Variants in LAMB3 observed in about 807,000 individuals in gnomAD.
LAMB3 encodes the protein laminin subunit beta-3.
A neutral mutation model predicts 140.3 loss-of-function variants in LAMB3; 104 were observed. The ratio of observed to expected loss-of-function variants is 0.74; its 90% CI spans 0.63 to 0.87. The LOEUF is 0.87. Among genes scored for constraint, LAMB3 ranks in the 40% least tolerant of loss-of-function variants. LAMB3 has a pLI of 0.00. For synonymous variants in LAMB3, 592 were observed against 602.9 expected, an observed-to-expected ratio of 0.98 and a Z score of 0.26; for missense variants, 1,531 against 1,575.2, an observed-to-expected ratio of 0.97 and a Z score of 0.47.
chr1:209,633,139 G>A lies in LAMB3; in HGVS notation c.565-6C>T, dbSNP rs1405507323. The stretch of plus-strand genomic sequence containing the variant: ...TCCATAAGGTTAAGTTGGACCTACA[G>A]AGGGAAGGGAAAGAGAAGCGCTGAA... On this transcript the variant is annotated splice_polypyrimidine_tract_variant and splice_region_variant and intron_variant, in intron 6 of 22. Transcript: ENST00000356082. 1.2e-6 allele frequency: 2 copies of A among 1,607,272 alleles called. No homozygotes were observed. The highest frequency in any genetic ancestry group is 2.2e-5 in the East Asian group (1 of 44,856).
chr1:209,645,724 A>G (rs1010577681), intron 3 of LAMB3, among the ~76,000 whole-genome samples: 8 of 146,692 alleles, frequency 5.5e-5, no homozygotes, highest in Non-Finnish European at 7.7e-5. Context: ...TCCCAGGGGA[A>G]AAAAAAAAAA....
intron 11 of LAMB3, 113 bp downstream of exon 11, chr1:209,627,922 C>A (rs938308055): frequency 4.7e-5 from 64 of 1,362,812 alleles, no homozygotes; most frequent in Non-Finnish European, 5.8e-5. Context: ...CCCCCTCTGT[C>A]TACCCTGCAG....
intron 5 of LAMB3, among the ~76,000 whole-genome samples, chr1:209,635,388 TTTTGTTTGTTTGTTTG>T (rs111289650): frequency 6.6e-6 from 1 of 151,552 alleles, no homozygotes; most frequent in Non-Finnish European, 1.5e-5. Flanking sequence ...ATCTTCTGTT[TTTTGTTTGTTTGTTTG>T]TTTGTTTGTT....
chr1:209,622,473 C>CATGG, intron 18 of LAMB3, 63 bp downstream of exon 18: 1 of 1,597,444 alleles, frequency 6.3e-7, no homozygotes, highest in Non-Finnish European at 8.6e-7. Flanking sequence ...ATGCACTGAA[C>CATGG]ATGGGAATGC....
chr1:209,625,593 A>T, intron 14 of LAMB3, 55 bp downstream of exon 14: 1 of 1,605,312 alleles, frequency 6.2e-7, no homozygotes, highest in East Asian at 2.2e-5. Context: ...CATGCCCGGT[A>T]CTGGAACCCC....
intron 3 of LAMB3, among the ~76,000 whole-genome samples, chr1:209,647,489 G>A (rs1488444352): frequency 6.6e-6 from 1 of 152,164 alleles, no homozygotes; most frequent in Non-Finnish European, 1.5e-5. Flanking sequence ...CACATCAGTA[G>A]GATGTGGCAC....
rs901761821 is a variant in LAMB3, at chr1:209,648,815, G to C, written c.183+1149C>G. On this transcript the variant is annotated intron_variant, in intron 3 of 22. Coordinates refer to ENST00000356082, the MANE Select transcript of LAMB3 (RefSeq NM_000228.3). Reference sequence around the variant, plus strand: ...ATGGGCTCATAATTTGGAGGTTATGGGTGGAGGGAACAGCCAAAATCACTC... The same window carrying C: ...ATGGGCTCATAATTTGGAGGTTATGCGTGGAGGGAACAGCCAAAATCACTC... Among the ~76,000 whole-genome samples the C allele has an allele frequency of 2.6e-5, 4 of 152,100 alleles. No individual in the cohort carries two copies. In the South Asian group the frequency reaches 8.3e-4, roughly 32 times the overall value.
chr1:209,616,347 C>A, intron 22 of LAMB3, 124 bp downstream of exon 22: 3 of 1,119,832 alleles, frequency 2.7e-6, no homozygotes, highest in Non-Finnish European at 4.1e-6. Context: ...CAGAAAAAAT[C>A]TCATTTGATC....
rs2102401644 is a variant in LAMB3 at position 209,615,337 on chromosome 1, C to T, written c.3453G>A (p.Glu1151=). Residue 1151 remains glutamate, a synonymous_variant, in exon 23 of 23, where the codon GAG becomes GAA. Transcript: ENST00000356082. ...MLRSADLTGL[E]KRVEQIRDHI... ...GGTCACGGATCTGCTCCACACGCTT[C>T]TCCAGTCCTGTCAGGTCCGCTGAGC... The T allele has an allele frequency of 6.2e-7, 1 of 1,614,018 alleles. No homozygotes were observed. The highest frequency in any genetic ancestry group is 1.7e-5 in the Admixed American group (1 of 60,012).
rs868446895 is a variant in LAMB3, at chr1:209,629,911, C to T, written c.958G>A (p.Gly320Arg). ...TCAAAGTGACATGTCTCTGAGTGCC[C>T]ATTGCAGTCGCACCCTGGAAAAAGA... is the stretch of plus-strand genomic sequence containing the variant. ...AHECQRCDCNGHSETCHFDPA... is the reference protein window; with the variant it reads ...AHECQRCDCNRHSETCHFDPA... The change falls in exon 10 of 23, where the codon GGG becomes AGG. Residue 320 changes from glycine (G) to arginine (R), a missense_variant. Coordinates refer to ENST00000356082, the MANE Select transcript of LAMB3 (RefSeq NM_000228.3). 1 of 1,614,146 alleles carries T rather than the reference C, an allele frequency of 6.2e-7. No individual in the cohort carries two copies. The highest frequency in any genetic ancestry group is 8.5e-7 in the Non-Finnish European group (1 of 1,180,006).
In LAMB3 at chr1:209,618,455, G is replaced by C. The variant is rs1446621226; in HGVS notation, c.2906C>G (p.Ala969Gly). Residue 969 changes from alanine to glycine, a missense_variant, in exon 19 of 23, where the codon GCC becomes GGC. By Grantham distance (60) the Ala-to-Gly change is moderately conservative. Transcript: ENST00000356082. ...AGTTCAGGGCCCAAGGCCATACCTG[G>C]CTTCCTCAGCCTCAGCCTGCAACCG... ...ARRLQAEAEE[A>G]RSRAHAVEGQ... The C allele has an allele frequency of 6.2e-7, 1 of 1,613,638 alleles. No homozygotes were observed. The highest frequency in any genetic ancestry group is 1.7e-5 in the Admixed American group (1 of 60,026).
intron 18 of LAMB3, among the ~76,000 whole-genome samples, chr1:209,620,084 C>T (rs1666132294): frequency 6.6e-6 from 1 of 152,218 alleles, no homozygotes; most frequent in Admixed American, 6.5e-5. Flanking sequence ...AGATCTTGCC[C>T]TTCCTTTACT....
At chr1:209,642,756 G>C (rs1019027721) in intron 3 of LAMB3, among the ~76,000 whole-genome samples, 1 of 152,318 alleles carries the variant, frequency 6.6e-6, no homozygotes, top group Non-Finnish European at 1.5e-5. Flanking sequence ...TGAGATTACA[G>C]GTGTGAGCCA....
At chr1:209,643,251 T>G (rs548233633) in intron 3 of LAMB3, among the ~76,000 whole-genome samples, 7 of 152,238 alleles carry the variant, frequency 4.6e-5, no homozygotes, top group Non-Finnish European at 8.8e-5. Flanking sequence ...GTGCACACAT[T>G]TGTAAGCGTC....
intron 3 of LAMB3, among the ~76,000 whole-genome samples, chr1:209,649,740 A>G (rs1167088011): frequency 6.6e-6 from 1 of 152,218 alleles, no homozygotes; most frequent in African/African-American, 2.4e-5. Flanking sequence ...GATAAGAGAG[A>G]AATGAGCTAT....
rs1261972974 is a variant in LAMB3 at position 209,628,031 on chromosome 1, T to C, written c.1288+4A>G. ...CGTCATGCTGGGCCAAGCCCCCTAC[T>C]CACGGTGGCAGCCCTGCGGGTTGGC... On this transcript the variant is annotated splice_donor_region_variant and intron_variant, in intron 11 of 22. Coordinates refer to ENST00000356082, the MANE Select transcript of LAMB3 (RefSeq NM_000228.3). 1.2e-6 allele frequency: 2 copies of C among 1,600,562 alleles called. No homozygotes were observed. The highest frequency in any genetic ancestry group is 1.3e-5 in the African/African-American group (1 of 74,608).
intron 13 of LAMB3, 79 bp from the exon 14 acceptor site, chr1:209,626,105 G>T: frequency 6.8e-7 from 1 of 1,465,174 alleles, no homozygotes; most frequent in South Asian, 1.3e-5. Flanking sequence ...CTGAAGAGGA[G>T]GTCTGACCTG....
chr1:209,648,411 G>A (rs2076535610), intron 3 of LAMB3, among the ~76,000 whole-genome samples: 1 of 152,106 alleles, frequency 6.6e-6, no homozygotes, highest in Admixed American at 6.6e-5. Flanking sequence ...CAAAAGGCTA[G>A]ATAAATTTAT....
At chr1:209,635,479 T>G (rs867724850) in intron 5 of LAMB3, among the ~76,000 whole-genome samples, 10 of 152,222 alleles carry the variant, frequency 6.6e-5, no homozygotes, top group Non-Finnish European at 2.9e-5. Flanking sequence ...CTTGGCTCAC[T>G]GCAACCTCCG....
Sources: allele counts gnomAD v4.1 joint callset (sites outside exome capture counted in the v4.1 genomes callset), GRCh38; gene constraint gnomAD v4.1.1; transcripts MANE v1.5; gene names NCBI Gene and HGNC (gene_info 2026-07-23, HGNC 2026-07-21).